The following ROBO2 variants were observed in gnomAD, a reference collection of about 807,000 sequenced individuals.
ROBO2 encodes the protein roundabout homolog 2.
Under a neutral mutation model 160.8 loss-of-function variants are expected in ROBO2, and 53 were observed. That is an observed-to-expected ratio of 0.33 (90% CI 0.26 to 0.41). The LOEUF is 0.41. Among genes scored for constraint, ROBO2 ranks in the 10% least tolerant of loss-of-function variants. The probability of loss-of-function intolerance (pLI) is 1.00; values close to 1 mark genes in which losing one functional copy is unlikely to be tolerated. For missense variants in ROBO2, 1,577 were observed against 1,722.4 expected (o/e 0.92, Z 1.49); for synonymous variants, 664 against 611.7 (o/e 1.09, Z -1.26).
At chr3:77,069,796 G>A (rs527843306) in intron 1 of ROBO2, among the ~76,000 whole-genome samples, 1 of 152,270 alleles carries the variant, frequency 6.6e-6, no homozygotes, top group Non-Finnish European at 1.5e-5. Context: ...CAATATGCAA[G>A]CAAGAAATCA....
intron 2 of ROBO2, among the ~76,000 whole-genome samples, chr3:77,473,865 T>C (rs1039281101): frequency 2.6e-5 from 4 of 152,152 alleles, no homozygotes; most frequent in Admixed American, 1.3e-4. Context: ...CTAGCTCCTA[T>C]AGCAGCACTT....
intron 2 of ROBO2, among the ~76,000 whole-genome samples, chr3:76,659,585 G>T (rs1006991700): frequency 6.6e-6 from 1 of 151,922 alleles, no homozygotes; most frequent in Non-Finnish European, 1.5e-5. Context: ...GTGTTCTGGT[G>T]CCCATAATGG....
At chr3:76,472,246 C>A (rs2078704711) in intron 2 of ROBO2, among the ~76,000 whole-genome samples, 1 of 151,862 alleles carries the variant, frequency 6.6e-6, no homozygotes, top group Admixed American at 6.6e-5. Flanking sequence ...TGTAATATAG[C>A]AATATTTAAA....
At chr3:76,968,403 T>G (rs2059412454) in intron 2 of ROBO2, among the ~76,000 whole-genome samples, 1 of 152,170 alleles carries the variant, frequency 6.6e-6, no homozygotes, top group Non-Finnish European at 1.5e-5. Flanking sequence ...TGTGTGGAGC[T>G]CTCACAATGA....
chr3:77,416,119 T>G (rs2077195417), intron 2 of ROBO2, among the ~76,000 whole-genome samples: 2 of 151,944 alleles, frequency 1.3e-5, no homozygotes, highest in South Asian at 2.1e-4. Context: ...TGAGTGAGAG[T>G]AAAGTTCTTG....
intron 2 of ROBO2, among the ~76,000 whole-genome samples, chr3:76,217,736 A>G (rs1703655160): frequency 6.6e-6 from 1 of 152,222 alleles, no homozygotes; most frequent in Non-Finnish European, 1.5e-5. Flanking sequence ...CAGAGGTACA[A>G]GGAGGAACTG....
At chr3:76,538,251 C>T (rs1391231580) in intron 2 of ROBO2, among the ~76,000 whole-genome samples, 2 of 151,980 alleles carry the variant, frequency 1.3e-5, no homozygotes, top group African/African-American at 4.8e-5. Flanking sequence ...TCTGGTTTAA[C>T]TGTGTACAAA....
intron 2 of ROBO2, among the ~76,000 whole-genome samples, chr3:76,629,499 T>C (rs1017586150): frequency 5.3e-5 from 8 of 152,136 alleles, no homozygotes; most frequent in African/African-American, 1.9e-4. Flanking sequence ...GCATCCTGCA[T>C]GCAGAAAGAT....
chr3:76,109,670 T>A, intron 2 of ROBO2, among the ~76,000 whole-genome samples: 1 of 152,044 alleles, frequency 6.6e-6, no homozygotes, highest in East Asian at 1.9e-4. Flanking sequence ...TTTCAGAAAT[T>A]TTTTTATTTT....
At chr3:76,653,600 G>A (rs1419819284) in intron 2 of ROBO2, among the ~76,000 whole-genome samples, 2 of 151,766 alleles carry the variant, frequency 1.3e-5, no homozygotes, top group African/African-American at 2.4e-5. Flanking sequence ...TATACACACA[G>A]AGTTCATCAG....
At chr3:76,539,857 G>A (rs1293357632) in intron 2 of ROBO2, among the ~76,000 whole-genome samples, 1 of 152,206 alleles carries the variant, frequency 6.6e-6, no homozygotes, top group South Asian at 2.1e-4. Context: ...GGTGAGAAAA[G>A]AGGAACATTT....
At chr3:77,263,574 A>G (rs2058919189) in intron 2 of ROBO2, among the ~76,000 whole-genome samples, 2 of 152,220 alleles carry the variant, frequency 1.3e-5, no homozygotes, top group Non-Finnish European at 2.9e-5. Flanking sequence ...GTCCCTACAA[A>G]GGATATAATC....
chr3:76,387,491 C>A (rs1225947726), intron 2 of ROBO2, among the ~76,000 whole-genome samples: 9 of 151,922 alleles, frequency 5.9e-5, no homozygotes, highest in Non-Finnish European at 1.3e-4. Flanking sequence ...GTTTAATCTG[C>A]TTCTGAATCT....
chr3:77,128,560 A>G (rs2075562469), intron 2 of ROBO2, among the ~76,000 whole-genome samples: 1 of 152,170 alleles, frequency 6.6e-6, no homozygotes, highest in African/African-American at 2.4e-5. Flanking sequence ...GTGTTTTGCA[A>G]TATTTTTTTC....
At chr3:76,845,534 A>G (rs1305236207) in intron 2 of ROBO2, among the ~76,000 whole-genome samples, 2 of 151,960 alleles carry the variant, frequency 1.3e-5, no homozygotes, top group Non-Finnish European at 1.5e-5. Flanking sequence ...AAAGCATGGA[A>G]TGTGTATTGA....
chr3:77,414,959 T>G (rs529998912), intron 2 of ROBO2, among the ~76,000 whole-genome samples: 1 of 152,300 alleles, frequency 6.6e-6, no homozygotes, highest in Non-Finnish European at 1.5e-5. Flanking sequence ...TCCTGAAGAT[T>G]ATTAAGACTC....
rs2092436480 is a variant in ROBO2 at position 76,677,355 on chromosome 3, C to T, written c.110-420659C>T. 2.0e-5 allele frequency among the ~76,000 whole-genome samples: 3 copies of T among 152,100 alleles called. 1 individual carries two copies. In the South Asian group the frequency reaches 6.2e-4, roughly 32 times the overall value. ...CTTAGTCTAGGGCAGTGGTCCCAAC[C>T]CAGGTGCACAAGAGAAGTTAAAATT... On this transcript the variant is annotated intron_variant, in intron 2 of 26. Transcript: ENST00000487694.
chr3:77,640,484 A>G (rs1291873993), intron 24 of ROBO2, among the ~76,000 whole-genome samples: 1 of 152,186 alleles, frequency 6.6e-6, no homozygotes, highest in Non-Finnish European at 1.5e-5. Flanking sequence ...CTGAACACCT[A>G]AGTGGAACTG....
chr3:77,641,229 A>AG (rs2095346186), intron 24 of ROBO2, among the ~76,000 whole-genome samples: 1 of 152,222 alleles, frequency 6.6e-6, no homozygotes, highest in African/African-American at 2.4e-5. Context: ...TCCGAAACAG[A>AG]GACCCTGTTC....
Sources: allele counts gnomAD v4.1 joint callset (sites outside exome capture counted in the v4.1 genomes callset), GRCh38; gene constraint gnomAD v4.1.1; transcripts MANE v1.5; gene names NCBI Gene and HGNC (gene_info 2026-07-23, HGNC 2026-07-21).